Variants in AHNAK2 observed in about 807,000 individuals in gnomAD.
The protein encoded by AHNAK2 is AHNAK nucleoprotein 2, also known as protein AHNAK2.
AHNAK2 carries 18 observed loss-of-function variants against 30.7 expected under a neutral mutation model. The ratio of observed to expected loss-of-function variants is 0.59; its 90% CI spans 0.41 to 0.87. The LOEUF is 0.87. Among genes scored for constraint, AHNAK2 ranks in the 40% least tolerant of loss-of-function variants. The probability of loss-of-function intolerance (pLI) is 0.00; values close to 1 mark genes in which losing one functional copy is unlikely to be tolerated. For missense variants in AHNAK2, 8,604 were observed against 7,373.0 expected (o/e 1.17, Z -6.11); for synonymous variants, 3,590 against 3,073.8 (o/e 1.17, Z -5.56).
Position 104,952,700 on chromosome 14 carries a change from G to C in AHNAK2, c.2751C>G (p.Pro917=). Residue 917 remains proline (P), a synonymous_variant, in exon 7 of 7, where the codon CCC becomes CCG. Transcript: ENST00000333244. ...TCTTGAAACTGGGCATCTCCACTTT[G>C]GGCAGGTGCACTTTGGGGCCGGCTC... The part of the protein sequence containing the change: ...PEGAGPKVHL[P]KVEMPSFKMP... 6.2e-7 allele frequency: 1 copy of C among 1,612,842 alleles called. No homozygotes were observed. Among genetic ancestry groups the C allele is most frequent in the Non-Finnish European group, 8.5e-7 (1 of 1,179,656 alleles).
rs1366520178 is a variant in AHNAK2 at position 104,949,433 on chromosome 14, G to A, written c.6018C>T (p.Ser2006=). The A allele has an allele frequency of 6.3e-7, 1 of 1,587,360 alleles. No individual in the cohort carries two copies. The highest frequency in any genetic ancestry group is 2.2e-5 in the East Asian group (1 of 44,694). ...CAGGCACATCCACCGAGGCCTCGAT[G>A]GACCTCCCTGGGGCCGATACCCCGA... ...PSFGVSAPGR[S]IEASVDVPAP... Residue 2006 remains serine, a synonymous_variant, in exon 7 of 7, where the codon TCC becomes TCT. Transcript: ENST00000333244.
rs768671099 is a variant in AHNAK2, at chr14:104,944,937, G to T, written c.10514C>A (p.Ala3505Asp). Reference protein sequence around the residue: ...SLDVSAPKVEADVSLSSMQGD... With the variant: ...SLDVSAPKVEDDVSLSSMQGD... ...CTGCATGGAGGAGAGGCTCACGTCG[G>T]CCTCCACCTTCGGCGCAGACACATC... Residue 3505 changes from alanine (A) to aspartate (D), a missense_variant, in exon 7 of 7, where the codon GCC becomes GAC. Coordinates refer to ENST00000333244, the MANE Select transcript of AHNAK2 (RefSeq NM_138420.4). The T allele has an allele frequency of 1.2e-6, 2 of 1,613,244 alleles. No individual in the cohort carries two copies. Among genetic ancestry groups the T allele is most frequent in the East Asian group, 4.5e-5 (2 of 44,792 alleles).
intron 1 of AHNAK2, among the ~76,000 whole-genome samples, chr14:104,961,259 A>C (rs1049989929): frequency 6.6e-5 from 10 of 152,198 alleles, no homozygotes; most frequent in East Asian, 1.9e-4. Context: ...TCACGCCTGT[A>C]ATCCCAGCAC....
rs771378246 is a variant in AHNAK2, at chr14:104,945,080, C to A, written c.10371G>T (p.Gly3457=). 51 of 1,611,324 alleles carry A rather than the reference C, an allele frequency of 3.2e-5. No individual in the cohort carries two copies. In the East Asian group the frequency reaches 5.8e-4, roughly 18 times the overall value. ...CATCCTTTTCAGCCAGGGACAGGTC[C>A]CCCTCCAGCCGCGCACCATCCAGCT... ...RAKLDGARLE[G]DLSLAEKDVT... is the part of the protein sequence containing the mutation. The change falls in exon 7 of 7, where the codon GGG becomes GGT. Residue 3457 remains glycine (G), a synonymous_variant. Transcript: ENST00000333244.
chr14:104,965,401 C>CAAAAAAAAAAAAAAAAAAAAAAACA (rs397853385), intron 1 of AHNAK2, among the ~76,000 whole-genome samples: 1 of 85,520 alleles, frequency 1.2e-5, no homozygotes, highest in Non-Finnish European at 2.3e-5. Flanking sequence ...AACTCTGTCT[C>CAAAAAAAAAAAAAAAAAAAAAAACA]AAAAAAAAAA....
intron 1 of AHNAK2, among the ~76,000 whole-genome samples, chr14:104,962,999 C>T (rs548153160): frequency 3.8e-4 from 58 of 152,116 alleles, no homozygotes; most frequent in Non-Finnish European, 6.3e-4. Context: ...AGAACGAAAA[C>T]TGATAAATTT....
chr14:104,950,547 A>T lies in AHNAK2; in HGVS notation c.4904T>A (p.Leu1635Gln). 6.3e-7 allele frequency: 1 copy of T among 1,586,640 alleles called. No individual in the cohort carries two copies. The highest frequency in any genetic ancestry group is 8.6e-7 in the Non-Finnish European group (1 of 1,162,768). The change falls in exon 7 of 7, where the codon CTG (leucine) becomes CAG (glutamine). Residue 1635 changes from leucine (L) to glutamine (Q), a missense_variant. Transcript: ENST00000333244. ...EVDVQAPRAK[L>Q]DGAQLEGDLS... Reference sequence around the variant, plus strand: ...GTCCCCCTCCAGCTGCGCACCATCCAGCTTTGCTCTCGGGGCCTGGACGTC... The same window carrying T: ...GTCCCCCTCCAGCTGCGCACCATCCTGCTTTGCTCTCGGGGCCTGGACGTC...
Position 104,952,682 on chromosome 14 carries a change from A to G in AHNAK2, c.2769T>C (p.Ser923=), listed in dbSNP as rs775040611. ...TGAGGTCCACTTTGGGCATCTTGAAACTGGGCATCTCCACTTTGGGCAGGT... is the reference window on the plus strand; with the variant it reads ...TGAGGTCCACTTTGGGCATCTTGAAGCTGGGCATCTCCACTTTGGGCAGGT... ...KVHLPKVEMP[S]FKMPKVDLKG... Residue 923 remains serine, a synonymous_variant, in exon 7 of 7, where the codon AGT becomes AGC. Coordinates refer to ENST00000333244, the MANE Select transcript of AHNAK2 (RefSeq NM_138420.4). 3 of 1,611,940 alleles carry G rather than the reference A, an allele frequency of 1.9e-6. No individual in the cohort carries two copies. The East Asian group carries it at 6.7e-5, about 36-fold the overall frequency.
In AHNAK2 at chr14:104,940,343, A is replaced by G; in HGVS notation, c.15108T>C (p.Ser5036=). The change falls in exon 7 of 7, where the codon AGT becomes AGC. Residue 5036 remains serine, a synonymous_variant. Coordinates refer to ENST00000333244, the MANE Select transcript of AHNAK2 (RefSeq NM_138420.4). The surrounding 1 kb of genome is among the most constrained non-coding windows in gnomAD (Gnocchi z 4.4). Reference sequence around the variant, plus strand: ...CGTCTCTCTGTGGCAGGCTGACCCCACTCTTAGAAGCCTTCATTTTGGGAA... The same window carrying G: ...CGTCTCTCTGTGGCAGGCTGACCCCGCTCTTAGAAGCCTTCATTTTGGGAA... ...LALPKMKASK[S]GVSLPQRDVD... is the part of the protein sequence containing the mutation. 2 of 1,613,164 alleles carry G rather than the reference A, an allele frequency of 1.2e-6. No individual in the cohort carries two copies. Among genetic ancestry groups the G allele is most frequent in the South Asian group, 1.1e-5 (1 of 91,044 alleles).
chr14:104,955,575 C>T lies in AHNAK2; in HGVS notation c.374G>A (p.Gly125Asp), dbSNP rs1363455302. Residue 125 changes from glycine to aspartate, a missense_variant, in exon 5 of 7, where the codon GGC becomes GAC. Physicochemically the swap from Gly to Asp is moderately conservative, Grantham distance 94. Coordinates refer to ENST00000333244, the MANE Select transcript of AHNAK2 (RefSeq NM_138420.4). ...GTCCCCACCACCTGTGACACTGTAG[C>T]CACTGGCTCCTGCCTCCACCTCTGT... Reference protein sequence around the residue: ...LKTEVEAGASGYSVTGGGDQG... With the variant: ...LKTEVEAGASDYSVTGGGDQG... The T allele has an allele frequency of 6.2e-7, 1 of 1,613,616 alleles. No homozygotes were observed. Among genetic ancestry groups the T allele is most frequent in the Non-Finnish European group, 8.5e-7 (1 of 1,179,840 alleles).
At position 104,940,581 on chromosome 14, in the gene AHNAK2, T is replaced by G; in HGVS notation, c.14870A>C (p.Lys4957Thr). Residue 4957 changes from lysine to threonine, a missense_variant, in exon 7 of 7, where the codon AAG becomes ACG. Physicochemically the swap from Lys to Thr is moderately conservative, Grantham distance 78 (BLOSUM62 -1). Coordinates refer to ENST00000333244, the MANE Select transcript of AHNAK2 (RefSeq NM_138420.4). This position sits in a 1 kb window ranked among gnomAD's most constrained non-coding sequence, Gnocchi z 4.4. ...EGKGSPLKMP[K>T]IKLPSFRWSP... ...CCACCTAAATGATGGAAGCTTAATC[T>G]TAGGCATTTTCAAGGGACTCCCTTT... is the stretch of plus-strand genomic sequence containing the variant. The G allele has an allele frequency of 6.2e-7, 1 of 1,613,676 alleles. No homozygotes were observed. The highest frequency in any genetic ancestry group is 8.5e-7 in the Non-Finnish European group (1 of 1,179,834).
intron 1 of AHNAK2, among the ~76,000 whole-genome samples, chr14:104,970,634 G>A (rs1010842071): frequency 6.6e-6 from 1 of 152,088 alleles, no homozygotes; most frequent in Non-Finnish European, 1.5e-5. Flanking sequence ...AGAGGGAGTG[G>A]GCGGGTCCCC....
Position 104,944,330 on chromosome 14 carries a change from C to T in AHNAK2, c.11121G>A (p.Pro3707=), listed in dbSNP as rs539618850. 37 of 1,612,792 alleles carry T rather than the reference C, an allele frequency of 2.3e-5. No individual in the cohort carries two copies. Among genetic ancestry groups the T allele is most frequent in the African/African-American group, 2.0e-4 (15 of 74,768 alleles). Residue 3707 remains proline, a synonymous_variant, in exon 7 of 7, where the codon CCG becomes CCA. Coordinates refer to ENST00000333244, the MANE Select transcript of AHNAK2 (RefSeq NM_138420.4). ...CGGCTCCCTCGGGCACCTGGCCCTC[C>T]GGGAGCTTCACATCCATCTGGCCAG... The part of the protein sequence containing the change: ...VQAGQMDVKL[P]EGQVPEGAGL...
At chr14:104,975,266 T>C (rs1245166695) in intron 1 of AHNAK2, among the ~76,000 whole-genome samples, 4 of 152,218 alleles carry the variant, frequency 2.6e-5, no homozygotes, top group South Asian at 2.1e-4. Context: ...TGTCCACTTC[T>C]GAGCCTCACC....
In AHNAK2 at chr14:104,938,238, T is replaced by C. The variant is rs369462099; in HGVS notation, c.17213A>G (p.Glu5738Gly). 9.8e-5 allele frequency: 158 copies of C among 1,613,770 alleles called. No individual in the cohort carries two copies. The highest frequency in any genetic ancestry group is 1.2e-4 in the Non-Finnish European group (141 of 1,179,876). ...TTCCTTCTCTTCAGGGGAGAAACTT[T>C]CTCGGGCATCAAAAAACGTGATTGT... ...EETITFFDAR[E>G]SFSPEEKEEG... The change falls in exon 7 of 7, where the codon GAA (glutamate) becomes GGA (glycine). Residue 5738 changes from glutamate to glycine, a missense_variant. Glu to Gly is a moderately conservative substitution (Grantham distance 98, BLOSUM62 -2). Coordinates refer to ENST00000333244, the MANE Select transcript of AHNAK2 (RefSeq NM_138420.4).
intron 5 of AHNAK2, 111 bp downstream of exon 5, chr14:104,955,372 G>A: frequency 6.9e-7 from 1 of 1,446,556 alleles, no homozygotes; most frequent in Non-Finnish European, 9.3e-7. Flanking sequence ...AGAGGCGTGA[G>A]GAGGTCATCC....
In AHNAK2 at chr14:104,945,729, C is replaced by A. The variant is rs77154428; in HGVS notation, c.9722G>T (p.Arg3241Leu). 3.6e-4 allele frequency: 562 copies of A among 1,576,974 alleles called. 2 individuals carry two copies. The African/African-American group carries it at 6.8e-3, about 19-fold the overall frequency. The stretch of plus-strand genomic sequence containing the variant: ...CTTGATGTCTATCTGGGGGCCCTTG[C>A]GATCTACTTTGGGCATCTTGAAACT... ...MPSFKMPKVD[R>L]KGPQIDIKGP... The change falls in exon 7 of 7, where the codon CGC becomes CTC. Residue 3241 changes from arginine to leucine, a missense_variant. By Grantham distance (102) the Arg-to-Leu change is moderately radical (BLOSUM62 -2). Coordinates refer to ENST00000333244, the MANE Select transcript of AHNAK2 (RefSeq NM_138420.4).
Position 104,942,336 on chromosome 14 carries a change from T to C in AHNAK2, c.13115A>G (p.His4372Arg), listed in dbSNP as rs768248297. 6.2e-7 allele frequency: 1 copy of C among 1,611,564 alleles called. No homozygotes were observed. The highest frequency in any genetic ancestry group is 8.5e-7 in the Non-Finnish European group (1 of 1,179,220). Residue 4372 changes from histidine (H) to arginine (R), a missense_variant, in exon 7 of 7, where the codon CAT (histidine) becomes CGT (arginine). Coordinates refer to ENST00000333244, the MANE Select transcript of AHNAK2 (RefSeq NM_138420.4). ...GTGCCCTTTGAGGCCGGCTCCCTCA[T>C]GCACAGGGCCCTCTGGGAGTTTCAC... ...EDVKLPEGPV[H>R]EGAGLKGHLP...
Position 104,942,474 on chromosome 14 carries a change from A to G in AHNAK2, c.12977T>C (p.Leu4326Pro), listed in dbSNP as rs2819421. Reference sequence around the variant, plus strand: ...GAGGCTCACGTCAGCCTCCACCTTCAGCGCAGACACATCCAACGAGGCCTC... The same window carrying G: ...GAGGCTCACGTCAGCCTCCACCTTCGGCGCAGACACATCCAACGAGGCCTC... Reference protein sequence around the residue: ...SIEASLDVSALKVEADVSLPS... With the variant: ...SIEASLDVSAPKVEADVSLPS... The change falls in exon 7 of 7, where the codon CTG becomes CCG. Residue 4326 changes from leucine (L) to proline (P), a missense_variant. By Grantham distance (98) the Leu-to-Pro change is moderately conservative (BLOSUM62 -3). Transcript: ENST00000333244. 0.54 allele frequency: 875,082 copies of G among 1,612,686 alleles called. 240,545 individuals carry two copies. Among genetic ancestry groups the G allele is most frequent in the Middle Eastern group, 0.67 (4,069 of 6,048 alleles).
Sources: gnomAD v4.1 joint callset for allele counts (sites outside exome capture counted in the v4.1 genomes callset) on GRCh38, gnomAD v4.1.1 for gene constraint, Gnocchi (gnomAD v3.1) non-coding constraint, MANE v1.5 for transcripts, NCBI Gene and HGNC (gene_info 2026-07-23, HGNC 2026-07-21) for gene names.